LPAR6: variants seen among roughly 807,000 people sequenced by gnomAD.
The protein encoded by LPAR6 is lysophosphatidic acid receptor 6, also known as G-protein coupled purinergic receptor P2Y5.
Under a neutral mutation model 22.0 loss-of-function variants are expected in LPAR6, and 17 were observed. That is an observed-to-expected ratio of 0.77 (90% confidence interval 0.53 to 1.16). The LOEUF is 1.16. Ranked by LOEUF, LPAR6 falls within the 50% of genes most tolerant of loss-of-function variation. LPAR6 has a pLI of 0.00. For missense variants in LPAR6, 384 were observed against 406.9 expected, an observed-to-expected ratio of 0.94 and a Z score of 0.48; for synonymous variants, 136 against 139.8, an observed-to-expected ratio of 0.97 and a Z score of 0.19.
chr13:48,426,424 A>G (rs1342478600), intron 1 of LPAR6, among the ~76,000 whole-genome samples: 3 of 152,206 alleles, frequency 2.0e-5, no homozygotes, highest in Non-Finnish European at 4.4e-5. Context: ...AGCCAATTTA[A>G]ATCAAATAGA....
At position 48,411,558 on chromosome 13, in the gene LPAR6, A is replaced by G. The variant is rs1188113207; in HGVS notation, c.866T>C (p.Ile289Thr). 3 of 1,613,806 alleles carry G rather than the reference A, an allele frequency of 1.9e-6. No homozygotes were observed. Among genetic ancestry groups the G allele is most frequent in the Middle Eastern group, 1.7e-4 (1 of 6,058 alleles). The change falls in exon 1 of 1, where the codon ATA (isoleucine) becomes ACA (threonine). Residue 289 changes from isoleucine to threonine, a missense_variant. By Grantham distance (89) the Ile-to-Thr change is moderately conservative. Transcript: ENST00000620633. ...TGTGTCCGATGTAAAGTAGTAAACT[A>G]TAGGGTCAAAACAACAGTTGGAAAC... The part of the protein sequence containing the change: ...IAVSNCCFDP[I>T]VYYFTSDTIQ...
intron 2 of LPAR6, among the ~76,000 whole-genome samples, chr13:48,421,916 G>A (rs563266332): frequency 6.6e-6 from 1 of 152,312 alleles, no homozygotes; most frequent in East Asian, 1.9e-4. Flanking sequence ...TACACTGTTG[G>A]TGGGAGTGTA....
At chr13:48,415,319 G>A (rs1343110404), upstream of LPAR6, among the ~76,000 whole-genome samples, 23 of 145,032 alleles carry the variant, frequency 1.6e-4, no homozygotes, top group African/African-American at 5.4e-4. Flanking sequence ...TCACTCTGCC[G>A]CCCAGGCTGG....
rs530500322 is a variant in LPAR6, at chr13:48,405,145, C to CA, written n.114+10554dup. ...TCACACCAGAGCAGAGAGAAAAATG[C>CA]AAAAAATCCTACGATGCAACAAGCC... On this transcript the variant is annotated intron_variant and non_coding_transcript_variant, in intron 1 of 1. Coordinates refer to the LPAR6 transcript ENST00000462781. 6.6e-5 allele frequency among the ~76,000 whole-genome samples: 10 copies of CA among 152,140 alleles called. No individual in the cohort carries two copies. In the South Asian group the frequency reaches 2.1e-3, roughly 32 times the overall value.
intron 1 of LPAR6, among the ~76,000 whole-genome samples, chr13:48,393,562 A>C (rs909391314): frequency 6.6e-6 from 1 of 152,224 alleles, no homozygotes; most frequent in Non-Finnish European, 1.5e-5. Flanking sequence ...CTGTTTCTTC[A>C]TCAGAGCTGG....
downstream of LPAR6, among the ~76,000 whole-genome samples, chr13:48,409,570 A>ATTTTTTTTTTTTT (rs5803435): frequency 1.7e-5 from 1 of 59,694 alleles, no homozygotes; most frequent in African/African-American, 6.5e-5. Flanking sequence ...GAACTGCTTG[A>ATTTTTTTTTTTTT]TTTTTTTTTT....
At chr13:48,424,740 T>C (rs1039023220) in intron 1 of LPAR6, among the ~76,000 whole-genome samples, 2 of 152,158 alleles carry the variant, frequency 1.3e-5, no homozygotes, top group African/African-American at 2.4e-5. Context: ...TTAAGACATA[T>C]ACGTGCAATT....
At chr13:48,399,966 T>C (rs889332849) in intron 1 of LPAR6, among the ~76,000 whole-genome samples, 1 of 152,058 alleles carries the variant, frequency 6.6e-6, no homozygotes, top group Non-Finnish European at 1.5e-5. Flanking sequence ...ATCCATATTA[T>C]ACACATTACC....
chr13:48,397,959 G>A (rs951183273), intron 1 of LPAR6, among the ~76,000 whole-genome samples: 2 of 152,226 alleles, frequency 1.3e-5, no homozygotes, highest in Non-Finnish European at 2.9e-5. Context: ...TTTACCATTG[G>A]ACATTATTTG....
chr13:48,417,892 C>T (rs1471077283), upstream of LPAR6, among the ~76,000 whole-genome samples: 1 of 152,128 alleles, frequency 6.6e-6, no homozygotes, highest in Non-Finnish European at 1.5e-5. Flanking sequence ...AAGACCAAAC[C>T]TATGTTTGAT....
At chr13:48,420,892 A>G (rs191506812) in intron 2 of LPAR6, among the ~76,000 whole-genome samples, 1 of 152,352 alleles carries the variant, frequency 6.6e-6, no homozygotes, top group East Asian at 1.9e-4. Context: ...AAGAGGACAC[A>G]AACAAATGGA....
At chr13:48,397,555 A>T (rs1022325491) in intron 1 of LPAR6, among the ~76,000 whole-genome samples, 1 of 152,178 alleles carries the variant, frequency 6.6e-6, no homozygotes, top group Non-Finnish European at 1.5e-5. Flanking sequence ...TGATGGGTTG[A>T]TAGGTGCAGC....
chr13:48,400,340 T>C (rs1156261311), intron 1 of LPAR6, among the ~76,000 whole-genome samples: 2 of 152,128 alleles, frequency 1.3e-5, no homozygotes, highest in Non-Finnish European at 2.9e-5. Flanking sequence ...TGGAGAAACT[T>C]TCCTGTGTCC....
chr13:48,411,785 T>C lies in LPAR6; in HGVS notation c.639A>G (p.Lys213=), dbSNP rs1464528467. The part of the protein sequence containing the change: ...CSSMVLKTLT[K]PVTLSRSKIN... ...TTTTGCTTCTACTTAATGTAACAGGTTTGGTTAAAGTTTTTAGCACCATAC... is the reference window on the plus strand; with the variant it reads ...TTTTGCTTCTACTTAATGTAACAGGCTTGGTTAAAGTTTTTAGCACCATAC... The change falls in exon 1 of 1, where the codon AAA becomes AAG. Residue 213 remains lysine (K), a synonymous_variant. Coordinates refer to ENST00000620633, the MANE Select transcript of LPAR6 (RefSeq NM_001162498.3). The C allele has an allele frequency of 1.2e-6, 2 of 1,612,172 alleles. No individual in the cohort carries two copies. Among genetic ancestry groups the C allele is most frequent in the Admixed American group, 1.7e-5 (1 of 59,966 alleles).
At chr13:48,403,177 G>A (rs1948708839) in intron 1 of LPAR6, among the ~76,000 whole-genome samples, 1 of 152,112 alleles carries the variant, frequency 6.6e-6, no homozygotes, top group African/African-American at 2.4e-5. Context: ...AGCAGTCAAA[G>A]GGCTTAAGTA....
chr13:48,400,342 C>T (rs1170650347), intron 1 of LPAR6, among the ~76,000 whole-genome samples: 1 of 152,058 alleles, frequency 6.6e-6, no homozygotes, highest in Non-Finnish European at 1.5e-5. Context: ...GAGAAACTTT[C>T]CTGTGTCCAC....
downstream of LPAR6, among the ~76,000 whole-genome samples, chr13:48,409,642 G>A (rs567068976): frequency 3.7e-5 from 5 of 135,272 alleles, no homozygotes; most frequent in African/African-American, 1.1e-4. Flanking sequence ...GTGCAGTGGC[G>A]AGATCTTGGC....
At position 48,411,777 on chromosome 13, in the gene LPAR6, G is replaced by A. The variant is rs753760344; in HGVS notation, c.647C>T (p.Thr216Ile). The A allele has an allele frequency of 8.7e-6, 14 of 1,611,330 alleles. No individual in the cohort carries two copies. In the South Asian group the frequency reaches 1.2e-4, roughly 14 times the overall value. Reference sequence around the variant, plus strand: ...TTTGTTTATTTTGCTTCTACTTAATGTAACAGGTTTGGTTAAAGTTTTTAG... The same window carrying A: ...TTTGTTTATTTTGCTTCTACTTAATATAACAGGTTTGGTTAAAGTTTTTAG... The part of the protein sequence containing the change: ...MVLKTLTKPV[T>I]LSRSKINKTK... The change falls in exon 1 of 1, where the codon ACA (threonine) becomes ATA (isoleucine). Residue 216 changes from threonine (T) to isoleucine (I), a missense_variant. Thr to Ile is a moderately conservative substitution (Grantham distance 89). Coordinates refer to ENST00000620633, the MANE Select transcript of LPAR6 (RefSeq NM_001162498.3).
At position 48,411,602 on chromosome 13, in the gene LPAR6, T is replaced by G; in HGVS notation, c.822A>C (p.Pro274=). 1 of 1,612,306 alleles carries G rather than the reference T, an allele frequency of 6.2e-7. No homozygotes were observed. The highest frequency in any genetic ancestry group is 8.5e-7 in the Non-Finnish European group (1 of 1,178,494). The change falls in exon 1 of 1, where the codon CCA becomes CCC. Residue 274 remains proline (P), a synonymous_variant. Coordinates refer to ENST00000620633, the MANE Select transcript of LPAR6 (RefSeq NM_001162498.3). ...TGGAAACAGCAATACAGAGAGTGAT[T>G]GGGTACATTGTCCTTACTGCTGCCA... ...SVVAAVRTMY[P]ITLCIAVSNC...
Sources: allele counts gnomAD v4.1 joint callset (sites outside exome capture counted in the v4.1 genomes callset), GRCh38; gene constraint gnomAD v4.1.1; transcripts MANE v1.5; gene names NCBI Gene and HGNC (gene_info 2026-07-23, HGNC 2026-07-21).